Variants in RASAL2 observed in about 807,000 individuals in gnomAD.
RASAL2 encodes RAS protein activator like 2.
In RASAL2, 58 loss-of-function variants were observed where a neutral mutation model predicts 128.9. The observed-to-expected ratio is 0.45, with a 90% CI of 0.36 to 0.56. RASAL2 has a LOEUF of 0.56. Ranked by LOEUF, RASAL2 falls within the 20% of genes least tolerant of loss-of-function variation. The pLI is 0.00. For synonymous variants in RASAL2, 561 were observed against 580.8 expected (o/e 0.97, Z 0.49); for missense variants, 1,360 against 1,601.6 (o/e 0.85, Z 2.57).
intron 1 of RASAL2, among the ~76,000 whole-genome samples, chr1:178,235,147 T>G (rs916804933): frequency 6.6e-6 from 1 of 152,222 alleles, no homozygotes; most frequent in African/African-American, 2.4e-5. Context: ...TACTTGTATG[T>G]CTGTTTCCTT....
At chr1:178,252,743 C>T (rs975787293) in intron 1 of RASAL2, among the ~76,000 whole-genome samples, 1 of 152,182 alleles carries the variant, frequency 6.6e-6, no homozygotes, top group East Asian at 1.9e-4. Context: ...ATCCTGAAAT[C>T]AAAATCTACC....
intron 1 of RASAL2, among the ~76,000 whole-genome samples, chr1:178,201,458 C>T (rs1304646853): frequency 1.3e-5 from 2 of 152,114 alleles, no homozygotes; most frequent in African/African-American, 4.8e-5. Flanking sequence ...GAAGCTATAC[C>T]CTTAGCGAAA....
chr1:178,439,195 C>G (rs1676461342), intron 5 of RASAL2, among the ~76,000 whole-genome samples: 1 of 151,428 alleles, frequency 6.6e-6, no homozygotes, highest in Non-Finnish European at 1.5e-5. Context: ...TATTTTTATG[C>G]CATATTGAAA....
At chr1:178,416,517 A>C (rs1254293400) in intron 4 of RASAL2, among the ~76,000 whole-genome samples, 1 of 152,106 alleles carries the variant, frequency 6.6e-6, no homozygotes, top group African/African-American at 2.4e-5. Context: ...AAGAAGAAAA[A>C]TAAAAGGTGG....
Position 178,300,000 on chromosome 1 carries a change from G to A in RASAL2, c.339G>A (p.Val113=). The change falls in exon 3 of 18, where the codon GTG becomes GTA. Residue 113 remains valine, a synonymous_variant. Transcript: ENST00000367649. ...TGCTTTTGATTAACTAGATACCTGT[G>A]GAAGGGGGACAGGAGCAGCAGACAG... ...VLLNKEKEIP[V]EGGQEQQTDS... is the part of the protein sequence containing the mutation. The A allele has an allele frequency of 6.2e-7, 1 of 1,613,720 alleles. No individual in the cohort carries two copies. The highest frequency in any genetic ancestry group is 8.5e-7 in the Non-Finnish European group (1 of 1,179,876).
intron 3 of RASAL2, among the ~76,000 whole-genome samples, chr1:178,369,277 A>G (rs1671574201): frequency 6.6e-6 from 1 of 152,042 alleles, no homozygotes. Context: ...GCTGGAGTGC[A>G]GTGGCGCGAT....
chr1:178,282,246 T>C (rs945087221), intron 1 of RASAL2, among the ~76,000 whole-genome samples: 1 of 152,110 alleles, frequency 6.6e-6, no homozygotes. Flanking sequence ...GGGGAGTTGA[T>C]AAACCCCCAA....
At chr1:178,264,230 G>A (rs1557864044) in intron 1 of RASAL2, among the ~76,000 whole-genome samples, 2 of 152,102 alleles carry the variant, frequency 1.3e-5, no homozygotes, top group African/African-American at 2.4e-5. Context: ...ATCTCTACCC[G>A]TTGCCTCAGC....
chr1:178,152,177 G>A (rs1459641508), intron 1 of RASAL2, among the ~76,000 whole-genome samples: 1 of 152,090 alleles, frequency 6.6e-6, no homozygotes, highest in Non-Finnish European at 1.5e-5. Context: ...GGGAAGTAGA[G>A]GCTGGAGATT....
intron 1 of RASAL2, among the ~76,000 whole-genome samples, chr1:178,100,856 C>G (rs1381255657): frequency 2.6e-5 from 4 of 152,098 alleles, no homozygotes; most frequent in Non-Finnish European, 5.9e-5. Context: ...CTGTTTGCTC[C>G]CTTGTCCCTC....
chr1:178,265,385 A>G (rs1255472197), intron 1 of RASAL2, among the ~76,000 whole-genome samples: 1 of 152,134 alleles, frequency 6.6e-6, no homozygotes, highest in Non-Finnish European at 1.5e-5. Context: ...CAGCCTCCCA[A>G]ATAGCTGGAA....
At chr1:178,292,941 A>G (rs1387176462) in intron 2 of RASAL2, among the ~76,000 whole-genome samples, 1 of 152,194 alleles carries the variant, frequency 6.6e-6, no homozygotes, top group African/African-American at 2.4e-5. Flanking sequence ...ACACTTTTAA[A>G]TGTTTTAAAA....
At chr1:178,362,912 C>G (rs1419177347) in intron 3 of RASAL2, among the ~76,000 whole-genome samples, 1 of 152,092 alleles carries the variant, frequency 6.6e-6, no homozygotes, top group African/African-American at 2.4e-5. Context: ...TATTCGTCAA[C>G]AGGCACTTCA....
At chr1:178,436,826 C>T (rs1248072304) in intron 5 of RASAL2, among the ~76,000 whole-genome samples, 4 of 152,080 alleles carry the variant, frequency 2.6e-5, no homozygotes, top group African/African-American at 9.7e-5. Flanking sequence ...GGTTTGCCCA[C>T]CTCAGCCTCC....
intron 3 of RASAL2, among the ~76,000 whole-genome samples, chr1:178,356,656 G>A (rs879737606): frequency 3.3e-5 from 5 of 152,128 alleles, no homozygotes; most frequent in African/African-American, 4.8e-5. Flanking sequence ...GCACATTTCA[G>A]TGCTAAAACT....
At chr1:178,209,487 A>G (rs1558116376) in intron 1 of RASAL2, among the ~76,000 whole-genome samples, 1 of 152,092 alleles carries the variant, frequency 6.6e-6, no homozygotes, top group Admixed American at 6.5e-5. Context: ...GCGTTTTCTC[A>G]TCTTTTTCCA....
intron 1 of RASAL2, among the ~76,000 whole-genome samples, chr1:178,199,113 G>A (rs1005218687): frequency 6.6e-6 from 1 of 152,222 alleles, no homozygotes; most frequent in Non-Finnish European, 1.5e-5. Flanking sequence ...GCTGAGCCAG[G>A]CATGGGATAT....
At chr1:178,150,562 C>A (rs1471879410) in intron 1 of RASAL2, among the ~76,000 whole-genome samples, 1 of 152,124 alleles carries the variant, frequency 6.6e-6, no homozygotes, top group Non-Finnish European at 1.5e-5. Flanking sequence ...TCTATTGTTA[C>A]ATTGATGTGG....
Position 178,458,080 on chromosome 1 carries a change from A to G in RASAL2, c.2788A>G (p.Asn930Asp). The G allele has an allele frequency of 2.5e-6, 4 of 1,614,132 alleles. No individual in the cohort carries two copies. Among genetic ancestry groups the G allele is most frequent in the Non-Finnish European group, 3.4e-6 (4 of 1,180,020 alleles). Residue 930 changes from asparagine to aspartate, a missense_variant, in exon 14 of 18, where the codon AAT becomes GAT. Physicochemically the swap from Asn to Asp is conservative, Grantham distance 23 (BLOSUM62 1). Around this residue, in one of 3 missense-constraint regions of RASAL2, gnomAD observed 741 missense variants for 868.6 expected, o/e 0.85. Transcript: ENST00000367649. ...LSFQNPVYHL[N>D]NPIPAMPKAS... ...GTTCCAGAACCCTGTCTATCACCTC[A>G]ATAACCCAATTCCAGCAATGCCAAA... is the stretch of plus-strand genomic sequence containing the variant.
Sources: allele counts gnomAD v4.1 joint callset (sites outside exome capture counted in the v4.1 genomes callset), GRCh38; gene constraint gnomAD v4.1.1; regional missense constraint gnomAD v4.1.1; transcripts MANE v1.5; gene names NCBI Gene and HGNC (gene_info 2026-07-23, HGNC 2026-07-21).